The following MRPL13 variants were observed in gnomAD, a reference collection of about 807,000 sequenced individuals.
MRPL13 encodes the protein mitochondrial ribosomal protein L13, also known as large ribosomal subunit protein uL13m.
In MRPL13, 33 loss-of-function variants were observed where a neutral mutation model predicts 29.0. The ratio of observed to expected loss-of-function variants is 1.14; its 90% CI spans 0.86 to 1.52. The LOEUF is 1.52. Ranked by LOEUF, MRPL13 falls within the 40% of genes most tolerant of loss-of-function variation. The pLI is 0.00. For missense variants in MRPL13, 227 were observed against 216.7 expected (o/e 1.05, Z -0.30); for synonymous variants, 77 against 68.4 (o/e 1.13, Z -0.62).
intron 6 of MRPL13, among the ~76,000 whole-genome samples, chr8:120,412,282 A>G (rs1181767043): frequency 1.3e-5 from 2 of 152,198 alleles, no homozygotes; most frequent in Non-Finnish European, 2.9e-5. Flanking sequence ...AACTTATCAA[A>G]GCTGAATATT....
At chr8:120,432,530 T>A (rs191313382) in intron 2 of MRPL13, among the ~76,000 whole-genome samples, 1 of 152,078 alleles carries the variant, frequency 6.6e-6, no homozygotes, top group Non-Finnish European at 1.5e-5. Flanking sequence ...GAAAACAGTA[T>A]GTATATAGAT....
chr8:120,415,618 A>G (rs1563773125), intron 5 of MRPL13: 1 of 152,290 alleles, frequency 6.6e-6, no homozygotes, highest in East Asian at 1.9e-4. Flanking sequence ...AGGCTGGGTC[A>G]CTATCAACAT....
At chr8:120,405,168 A>G (rs778887995) in intron 6 of MRPL13, among the ~76,000 whole-genome samples, 1 of 152,214 alleles carries the variant, frequency 6.6e-6, no homozygotes, top group Non-Finnish European at 1.5e-5. Flanking sequence ...GGAGGCAATT[A>G]ATGATACACA....
At chr8:120,444,317 T>C (rs939652585) in intron 1 of MRPL13, among the ~76,000 whole-genome samples, 8 of 152,188 alleles carry the variant, frequency 5.3e-5, no homozygotes, top group African/African-American at 1.7e-4. Context: ...AGAGTCATCT[T>C]AGACCGATAT....
intron 6 of MRPL13, among the ~76,000 whole-genome samples, chr8:120,401,298 T>A (rs1278807367): frequency 6.6e-6 from 1 of 152,172 alleles, no homozygotes; most frequent in Non-Finnish European, 1.5e-5. Context: ...AAAAAGCTTA[T>A]CCACCACAAT....
chr8:120,404,943 G>A (rs778275360), intron 6 of MRPL13, among the ~76,000 whole-genome samples: 7 of 152,122 alleles, frequency 4.6e-5, no homozygotes, highest in Non-Finnish European at 4.4e-5. Context: ...CAGCAGCCAC[G>A]GTAATGCCTG....
chr8:120,436,264 T>G, intron 2 of MRPL13, among the ~76,000 whole-genome samples: 1 of 152,140 alleles, frequency 6.6e-6, no homozygotes, highest in East Asian at 1.9e-4. Context: ...CATATTCTTT[T>G]CCAGAGTTGC....
intron 6 of MRPL13, among the ~76,000 whole-genome samples, chr8:120,403,808 T>C (rs1205284032): frequency 6.6e-6 from 1 of 152,178 alleles, no homozygotes; most frequent in Non-Finnish European, 1.5e-5. Context: ...GGATACCCCA[T>C]AGCCTACCTA....
chr8:120,425,570 C>T (rs1214131966), intron 3 of MRPL13, among the ~76,000 whole-genome samples: 3 of 152,098 alleles, frequency 2.0e-5, no homozygotes, highest in African/African-American at 7.2e-5. Flanking sequence ...ATAAAAAGTT[C>T]TACTTCTTGG....
intron 2 of MRPL13, among the ~76,000 whole-genome samples, chr8:120,435,570 G>T (rs1192903795): frequency 1.3e-5 from 2 of 152,104 alleles, no homozygotes; most frequent in African/African-American, 2.4e-5. Context: ...GTATTCTATG[G>T]TGTATATGTA....
At chr8:120,443,616 A>G (rs1438742424) in intron 1 of MRPL13, among the ~76,000 whole-genome samples, 1 of 147,302 alleles carries the variant, frequency 6.8e-6, no homozygotes, top group East Asian at 2.0e-4. Context: ...TTACGGTATG[A>G]CTTTTTTTTT....
chr8:120,417,899 T>C (rs538376109), intron 5 of MRPL13, among the ~76,000 whole-genome samples: 1 of 152,134 alleles, frequency 6.6e-6, no homozygotes, highest in African/African-American at 2.4e-5. Context: ...TGGGAACTAG[T>C]TGTGCTCACT....
intron 6 of MRPL13, among the ~76,000 whole-genome samples, chr8:120,410,950 G>A (rs966685364): frequency 2.0e-5 from 3 of 151,528 alleles, no homozygotes; most frequent in African/African-American, 7.3e-5. Flanking sequence ...AGTTTTTTTT[G>A]TATTTTTATT....
At chr8:120,439,527 C>A (rs1269404354) in intron 2 of MRPL13, among the ~76,000 whole-genome samples, 1 of 152,164 alleles carries the variant, frequency 6.6e-6, no homozygotes, top group Non-Finnish European at 1.5e-5. Context: ...TATTTCCCCC[C>A]AGAAGCAATG....
rs141792508 is a variant in MRPL13, at chr8:120,437,319, A to T, written c.152-5196T>A. Among the ~76,000 whole-genome samples, 602 of 152,322 alleles carry T rather than the reference A, an allele frequency of 4.0e-3. 2 individuals carry two copies. Among genetic ancestry groups the T allele is most frequent in the African/African-American group, 0.014 (576 of 41,584 alleles). On this transcript the variant is annotated intron_variant, in intron 2 of 6. Transcript: ENST00000306185. ...TCTGATCTCTGTTGAATTGTTTGGT[A>T]TGTTAGCATTCATAGCATTAATTTT...
chr8:120,426,512 T>C (rs1406196781), intron 3 of MRPL13, among the ~76,000 whole-genome samples: 1 of 152,148 alleles, frequency 6.6e-6, no homozygotes, highest in Non-Finnish European at 1.5e-5. Context: ...AAAAATATTT[T>C]ACAATTTCTA....
At chr8:120,422,076 T>C (rs1222219186) in intron 4 of MRPL13, among the ~76,000 whole-genome samples, 1 of 151,692 alleles carries the variant, frequency 6.6e-6, no homozygotes, top group East Asian at 1.9e-4. Flanking sequence ...ATAAAACAGA[T>C]ATAAACAATA....
At position 120,419,229 on chromosome 8, in the gene MRPL13, G is replaced by C. The variant is rs529259987; in HGVS notation, c.393+623C>G. ...AAGTCCATGCAGTCAGTAAATAATG[G>C]GGCACAGATTCAAAGCCAGGCAGTC... is the stretch of plus-strand genomic sequence containing the variant. On this transcript the variant is annotated intron_variant, in intron 5 of 6. Coordinates refer to ENST00000306185, the MANE Select transcript of MRPL13 (RefSeq NM_014078.6). Among the ~76,000 whole-genome samples the C allele has an allele frequency of 4.6e-5, 7 of 151,874 alleles. No individual in the cohort carries two copies. The South Asian group carries it at 1.5e-3, about 32-fold the overall frequency.
intron 6 of MRPL13, among the ~76,000 whole-genome samples, chr8:120,410,706 C>T (rs1812729524): frequency 6.6e-6 from 1 of 152,064 alleles, no homozygotes; most frequent in African/African-American, 2.4e-5. Flanking sequence ...AGCCACACGT[C>T]AACAGTAGCT....
Sources: allele counts gnomAD v4.1 joint callset (sites outside exome capture counted in the v4.1 genomes callset), GRCh38; gene constraint gnomAD v4.1.1; transcripts MANE v1.5; gene names NCBI Gene and HGNC (gene_info 2026-07-23, HGNC 2026-07-21).